Variants in FREM3 observed in about 807,000 individuals in gnomAD.
The protein encoded by FREM3 is FRAS1-related extracellular matrix protein 3.
FREM3 carries 105 observed loss-of-function variants against 129.1 expected under a neutral mutation model. The observed-to-expected ratio is 0.81, with a 90% CI of 0.69 to 0.96. The LOEUF (loss-of-function observed/expected upper bound fraction) is 0.96, where lower values mean the gene tolerates loss of function less well. Ranked by LOEUF, FREM3 falls within the 40% of genes least tolerant of loss-of-function variation. FREM3 has a pLI of 0.00. For missense variants in FREM3, 2,593 were observed against 2,666.3 expected, an observed-to-expected ratio of 0.97 and a Z score of 0.61; for synonymous variants, 1,014 against 1,044.9, an observed-to-expected ratio of 0.97 and a Z score of 0.57.
chr4:143,600,841 A>G (rs914685410), intron 6 of FREM3, among the ~76,000 whole-genome samples: 1 of 152,178 alleles, frequency 6.6e-6, no homozygotes, highest in Non-Finnish European at 1.5e-5. Context: ...TGAAAAGACC[A>G]CGCACAGCCA....
chr4:143,663,372 G>A (rs1479787844), intron 2 of FREM3, among the ~76,000 whole-genome samples: 3 of 152,066 alleles, frequency 2.0e-5, no homozygotes, highest in Non-Finnish European at 4.4e-5. Context: ...TGAAATTCTG[G>A]ATTGAAAATT....
chr4:143,662,168 T>C lies in FREM3; in HGVS notation c.5275+30945A>G, dbSNP rs185018828. ...GTTTGCTCTTGCTTTTCTAGTTCTT[T>C]AATTGTGATGTTAGGGTGTCAGTTT... On this transcript the variant is annotated intron_variant, in intron 2 of 7. Transcript: ENST00000329798. 3.8e-3 allele frequency among the ~76,000 whole-genome samples: 579 copies of C among 152,314 alleles called. 3 individuals carry two copies. The highest frequency in any genetic ancestry group is 0.013 in the African/African-American group (540 of 41,548).
chr4:143,639,941 C>G (rs1739295080), intron 2 of FREM3, among the ~76,000 whole-genome samples: 1 of 152,138 alleles, frequency 6.6e-6, no homozygotes, highest in Admixed American at 6.5e-5. Context: ...AGGCAAAGCT[C>G]TCTACAGTCT....
Position 143,628,809 on chromosome 4 carries a change from T to C in FREM3, c.5276-1049A>G, listed in dbSNP as rs377278784. Reference sequence around the variant, plus strand: ...GGCTTCAGTGAACCTCCTGGAGAGCTTGACATCTCCTTCTATAGTTGGAGT... The same window carrying C: ...GGCTTCAGTGAACCTCCTGGAGAGCCTGACATCTCCTTCTATAGTTGGAGT... On this transcript the variant is annotated intron_variant, in intron 2 of 7. Coordinates refer to ENST00000329798, the MANE Select transcript of FREM3 (RefSeq NM_001168235.2). 9.8e-5 allele frequency among the ~76,000 whole-genome samples: 15 copies of C among 152,306 alleles called. No homozygotes were observed. In the East Asian group the frequency reaches 2.9e-3, roughly 30 times the overall value.
chr4:143,597,468 G>A (rs1738503759), intron 6 of FREM3, among the ~76,000 whole-genome samples: 2 of 152,176 alleles, frequency 1.3e-5, no homozygotes, highest in Admixed American at 1.3e-4. Flanking sequence ...GACTACTGTT[G>A]CTTTGTAAAT....
At chr4:143,616,821 A>G (rs1351413883) in intron 5 of FREM3, among the ~76,000 whole-genome samples, 1 of 151,980 alleles carries the variant, frequency 6.6e-6, no homozygotes, top group Non-Finnish European at 1.5e-5. Flanking sequence ...AGAAAAAAGA[A>G]TCATCTGTTT....
intron 2 of FREM3, among the ~76,000 whole-genome samples, chr4:143,651,726 G>A (rs1450700626): frequency 1.3e-5 from 2 of 152,170 alleles, no homozygotes; most frequent in Non-Finnish European, 2.9e-5. Context: ...CAAATCCAAT[G>A]TCGACATCAG....
At chr4:143,687,008 A>G (rs754054197) in intron 2 of FREM3, among the ~76,000 whole-genome samples, 1 of 152,172 alleles carries the variant, frequency 6.6e-6, no homozygotes, top group Non-Finnish European at 1.5e-5. Context: ...TGAAACAAAC[A>G]AACAAAAAAT....
At chr4:143,689,640 A>G (rs899672705) in intron 2 of FREM3, among the ~76,000 whole-genome samples, 3 of 152,160 alleles carry the variant, frequency 2.0e-5, no homozygotes, top group Admixed American at 2.0e-4. Flanking sequence ...CAAAATGACC[A>G]TCAATAAACG....
chr4:143,664,881 A>T (rs560493619), intron 2 of FREM3, among the ~76,000 whole-genome samples: 31 of 151,948 alleles, frequency 2.0e-4, no homozygotes, highest in Non-Finnish European at 4.0e-4. Context: ...TGGGCGTAGG[A>T]CCCTCCAAGT....
chr4:143,615,258 C>G (rs72940205), intron 5 of FREM3, among the ~76,000 whole-genome samples: 1 of 152,128 alleles, frequency 6.6e-6, no homozygotes, highest in East Asian at 1.9e-4. Context: ...TGATAGTCAG[C>G]CTGGGGCACT....
intron 2 of FREM3, among the ~76,000 whole-genome samples, chr4:143,658,636 C>T (rs556676094): frequency 2.0e-4 from 30 of 152,280 alleles, no homozygotes; most frequent in Admixed American, 5.9e-4. Flanking sequence ...GGCCCCTGGG[C>T]GGCATGCGGC....
chr4:143,588,446 A>T (rs1315340852), intron 6 of FREM3, among the ~76,000 whole-genome samples: 1 of 126,784 alleles, frequency 7.9e-6, no homozygotes, highest in African/African-American at 3.1e-5. Flanking sequence ...TCCTGTGTCC[A>T]TGTGTTCTCA....
At chr4:143,579,885 T>C (rs1263626057) in intron 7 of FREM3, among the ~76,000 whole-genome samples, 1 of 152,232 alleles carries the variant, frequency 6.6e-6, no homozygotes, top group Non-Finnish European at 1.5e-5. Context: ...CATGAATCAC[T>C]ATCCCAAGCA....
intron 5 of FREM3, among the ~76,000 whole-genome samples, chr4:143,613,338 G>A (rs571479813): frequency 2.0e-5 from 3 of 152,198 alleles, no homozygotes; most frequent in East Asian, 3.9e-4. Context: ...TTTCAGTGGC[G>A]GTCTATGCTT....
chr4:143,614,553 C>T (rs1738812755), intron 5 of FREM3, among the ~76,000 whole-genome samples: 1 of 152,066 alleles, frequency 6.6e-6, no homozygotes, highest in Non-Finnish European at 1.5e-5. Context: ...GTGGCTTGAC[C>T]AGTGGTAGAG....
At chr4:143,616,954 G>A (rs991641542) in intron 5 of FREM3, among the ~76,000 whole-genome samples, 25 of 152,062 alleles carry the variant, frequency 1.6e-4, no homozygotes, top group South Asian at 4.1e-4. Context: ...ATTAAAAACC[G>A]CAACGTATTT....
At chr4:143,590,190 C>A (rs1377759229) in intron 6 of FREM3, among the ~76,000 whole-genome samples, 1 of 152,110 alleles carries the variant, frequency 6.6e-6, no homozygotes, top group Admixed American at 6.5e-5. Flanking sequence ...CAAACAGGGA[C>A]AATTTGACTT....
intron 2 of FREM3, among the ~76,000 whole-genome samples, chr4:143,681,785 T>C (rs906568060): frequency 7.2e-5 from 11 of 152,208 alleles, no homozygotes; most frequent in African/African-American, 2.7e-4. Flanking sequence ...TTAAGCATCA[T>C]ATTACATTTT....
Sources: allele counts gnomAD v4.1 joint callset (sites outside exome capture counted in the v4.1 genomes callset), GRCh38; gene constraint gnomAD v4.1.1; transcripts MANE v1.5; gene names NCBI Gene and HGNC (gene_info 2026-07-23, HGNC 2026-07-21).